CDH12: variants seen among roughly 807,000 people sequenced by gnomAD.
CDH12 encodes cadherin 12.
A neutral mutation model predicts 74.1 loss-of-function variants in CDH12; 41 were observed. That is an observed-to-expected ratio of 0.55 (90% CI 0.43 to 0.72). The LOEUF (loss-of-function observed/expected upper bound fraction) is 0.72, where lower values mean the gene tolerates loss of function less well. Ranked by LOEUF, CDH12 falls within the 30% of genes least tolerant of loss-of-function variation. The pLI, the probability that CDH12 is intolerant of heterozygous loss-of-function variation, is 0.00. For missense variants in CDH12, 945 were observed against 977.2 expected (o/e 0.97, Z 0.44); for synonymous variants, 399 against 355.0 (o/e 1.12, Z -1.39).
At chr5:22,530,265 G>A (rs1311487916) in intron 1 of CDH12, among the ~76,000 whole-genome samples, 3 of 152,034 alleles carry the variant, frequency 2.0e-5, no homozygotes, top group African/African-American at 7.2e-5. Context: ...GAGCATATAT[G>A]CTTTTCATTT....
intron 3 of CDH12, among the ~76,000 whole-genome samples, chr5:22,404,466 TTTG>T: frequency 6.6e-6 from 1 of 152,312 alleles, no homozygotes; most frequent in Non-Finnish European, 1.5e-5. Context: ...TGCCCTTTTT[TTTG>T]TTGTTTTCTT....
At chr5:22,547,318 G>T (rs1561483025) in intron 1 of CDH12, among the ~76,000 whole-genome samples, 1 of 152,094 alleles carries the variant, frequency 6.6e-6, no homozygotes, top group Non-Finnish European at 1.5e-5. Flanking sequence ...AATATTGAGA[G>T]ACATGGGTAA....
chr5:22,580,871 C>T (rs1471647199), intron 1 of CDH12: 2 of 173,150 alleles, frequency 1.2e-5, no homozygotes, highest in Non-Finnish European at 2.4e-5. Context: ...GCATTTTGCC[C>T]ATGGCCTAGA....
intron 1 of CDH12, among the ~76,000 whole-genome samples, chr5:22,664,442 C>G (rs554475555): frequency 6.6e-6 from 1 of 152,056 alleles, no homozygotes; most frequent in Non-Finnish European, 1.5e-5. Context: ...ACTATCAGAT[C>G]TTGCGAGAAT....
intron 1 of CDH12, among the ~76,000 whole-genome samples, chr5:22,669,222 A>G (rs149908978): frequency 6.6e-6 from 1 of 152,316 alleles, no homozygotes; most frequent in African/African-American, 2.4e-5. Flanking sequence ...TGTAATATGA[A>G]ACTTCAACCC....
chr5:22,704,079 G>C (rs1742857045), intron 1 of CDH12, among the ~76,000 whole-genome samples: 1 of 152,060 alleles, frequency 6.6e-6, no homozygotes, highest in South Asian at 2.1e-4. Context: ...TTCATGACTT[G>C]GGTTTACATT....
At chr5:22,764,437 T>C (rs1746394625) in intron 1 of CDH12, among the ~76,000 whole-genome samples, 1 of 151,992 alleles carries the variant, frequency 6.6e-6, no homozygotes, top group South Asian at 2.1e-4. Context: ...CATACTTGAT[T>C]AATTGAATAA....
intron 6 of CDH12, among the ~76,000 whole-genome samples, chr5:21,898,799 A>C (rs1354396121): frequency 2.0e-5 from 3 of 152,166 alleles, no homozygotes; most frequent in Non-Finnish European, 4.4e-5. Flanking sequence ...TAGATTCAGA[A>C]AGGAGTCAAG....
intron 1 of CDH12, among the ~76,000 whole-genome samples, chr5:22,597,781 C>T (rs1285809880): frequency 6.6e-6 from 1 of 152,060 alleles, no homozygotes; most frequent in African/African-American, 2.4e-5. Flanking sequence ...TAGGAGTTAT[C>T]TTTCATAATT....
chr5:21,956,988 G>T (rs571667132), intron 6 of CDH12, among the ~76,000 whole-genome samples: 2 of 151,896 alleles, frequency 1.3e-5, no homozygotes, highest in East Asian at 3.9e-4. Context: ...TGTCACCAGG[G>T]TTTGTTGTAC....
At chr5:21,770,256 C>T (rs1561169320) in intron 11 of CDH12, among the ~76,000 whole-genome samples, 1 of 152,156 alleles carries the variant, frequency 6.6e-6, no homozygotes, top group South Asian at 2.1e-4. Context: ...ACACAAGGTT[C>T]TTGTTAGATT....
At chr5:22,291,583 C>T (rs560444333) in intron 3 of CDH12, among the ~76,000 whole-genome samples, 1 of 151,980 alleles carries the variant, frequency 6.6e-6, no homozygotes, top group Non-Finnish European at 1.5e-5. Flanking sequence ...AAAAAGAAAG[C>T]AAGAAACCAA....
intron 9 of CDH12, among the ~76,000 whole-genome samples, chr5:21,816,566 A>G (rs1047662642): frequency 1.2e-4 from 17 of 139,786 alleles, no homozygotes; most frequent in African/African-American, 4.0e-4. Flanking sequence ...CAGAGTTTGC[A>G]GTGAGCTGAC....
At chr5:22,731,966 A>T (rs564508661) in intron 1 of CDH12, among the ~76,000 whole-genome samples, 3 of 151,920 alleles carry the variant, frequency 2.0e-5, no homozygotes, top group Non-Finnish European at 4.4e-5. Flanking sequence ...ACAATAATGA[A>T]GGAAAACAAA....
At chr5:22,153,895 T>C (rs1237801027) in intron 4 of CDH12, among the ~76,000 whole-genome samples, 684 of 56,104 alleles carry the variant, frequency 0.012, 2 homozygotes, top group Non-Finnish European at 0.021. Context: ...TATAAATATA[T>C]ATATATATAC....
intron 1 of CDH12, among the ~76,000 whole-genome samples, chr5:22,506,398 T>C (rs1736388011): frequency 1.3e-5 from 2 of 152,188 alleles, no homozygotes; most frequent in African/African-American, 4.8e-5. Context: ...TATAATACAA[T>C]ACTACACTGT....
At chr5:21,885,966 T>C (rs1752607400) in intron 6 of CDH12, among the ~76,000 whole-genome samples, 1 of 152,176 alleles carries the variant, frequency 6.6e-6, no homozygotes, top group East Asian at 1.9e-4. Context: ...CTTCCAAACA[T>C]ATTTGGGTAG....
intron 1 of CDH12, among the ~76,000 whole-genome samples, chr5:22,705,868 A>G (rs1263708473): frequency 6.6e-6 from 1 of 152,072 alleles, no homozygotes; most frequent in Non-Finnish European, 1.5e-5. Flanking sequence ...TTCATATTCT[A>G]ATGGTATACT....
chr5:22,776,355 C>T (rs895518981), intron 1 of CDH12, among the ~76,000 whole-genome samples: 6 of 152,108 alleles, frequency 3.9e-5, no homozygotes, highest in Non-Finnish European at 5.9e-5. Flanking sequence ...ACTTAAGAAA[C>T]ACTAGTGTCA....
Sources: gnomAD v4.1 joint callset for allele counts (sites outside exome capture counted in the v4.1 genomes callset) on GRCh38, gnomAD v4.1.1 for gene constraint, MANE v1.5 for transcripts, NCBI Gene and HGNC (gene_info 2026-07-23, HGNC 2026-07-21) for gene names.